SPEF2: variants seen among roughly 807,000 people sequenced by gnomAD.
SPEF2 encodes the protein sperm flagella and cilia-associated protein 2.
A neutral mutation model predicts 224.6 loss-of-function variants in SPEF2; 187 were observed. The ratio of observed to expected loss-of-function variants is 0.83; its 90% CI spans 0.74 to 0.94. SPEF2 has a LOEUF of 0.94. Ranked by LOEUF, SPEF2 falls within the 40% of genes least tolerant of loss-of-function variation. SPEF2 has a pLI of 0.00. For synonymous variants in SPEF2, 715 were observed against 707.3 expected, an observed-to-expected ratio of 1.01 and a Z score of -0.17; for missense variants, 2,170 against 2,135.6, an observed-to-expected ratio of 1.02 and a Z score of -0.32.
At chr5:35,788,495 G>T in intron 30 of SPEF2, 2 of 702,560 alleles carry the variant, frequency 2.8e-6, no homozygotes, top group South Asian at 3.0e-5. Flanking sequence ...CAAAGAAGCC[G>T]AACTTGTCTA....
intron 26 of SPEF2, among the ~76,000 whole-genome samples, chr5:35,764,049 C>T (rs964185662): frequency 1.3e-5 from 2 of 152,114 alleles, no homozygotes; most frequent in African/African-American, 2.4e-5. Context: ...TGCAGGGGCA[C>T]ATGCAATTGC....
chr5:35,696,302 A>AT lies in SPEF2; in HGVS notation c.2037+513dup, dbSNP rs1420228053. ...AATTTTATCTTTTGTATTATATTTG[A>AT]TTTTTTTATTATGCATCTCATCATG... On this transcript the variant is annotated intron_variant, in intron 14 of 36. Coordinates refer to ENST00000356031, the MANE Select transcript of SPEF2 (RefSeq NM_024867.4). 4.6e-5 allele frequency among the ~76,000 whole-genome samples: 7 copies of AT among 152,214 alleles called. No individual in the cohort carries two copies. In the East Asian group the frequency reaches 5.8e-4, roughly 13 times the overall value.
intron 2 of SPEF2, among the ~76,000 whole-genome samples, chr5:35,636,432 C>T (rs1745842039): frequency 6.6e-6 from 1 of 152,174 alleles, no homozygotes; most frequent in South Asian, 2.1e-4. Flanking sequence ...CATTCCTACA[C>T]ATGCATATGG....
chr5:35,748,130 G>A (rs925552798), intron 23 of SPEF2, among the ~76,000 whole-genome samples: 3 of 151,928 alleles, frequency 2.0e-5, no homozygotes, highest in African/African-American at 4.8e-5. Context: ...AAAATTATTC[G>A]AACTGAATGA....
In SPEF2 at chr5:35,628,512, T is replaced by A. The variant is rs750896416; in HGVS notation, c.111T>A (p.Val37=). The A allele has an allele frequency of 3.1e-6, 5 of 1,613,994 alleles. No homozygotes were observed. Among genetic ancestry groups the A allele is most frequent in the Non-Finnish European group, 4.2e-6 (5 of 1,180,006 alleles). Reference sequence around the variant, plus strand: ...CCAGTGGCTATCTACTTGGAGAAGTTCTACACAAGTTTGAACTTCAGGATG... The same window carrying A: ...CCAGTGGCTATCTACTTGGAGAAGTACTACACAAGTTTGAACTTCAGGATG... ...AFSSGYLLGE[V]LHKFELQDDF... Residue 37 remains valine (V), a synonymous_variant, in exon 2 of 37, where the codon GTT becomes GTA. Coordinates refer to ENST00000356031, the MANE Select transcript of SPEF2 (RefSeq NM_024867.4).
Position 35,647,022 on chromosome 5 carries a change from CAATGGCAAACTCCTATTA to C in SPEF2, c.726+223_726+240del, listed in dbSNP as rs1747469400. Among the ~76,000 whole-genome samples the C allele has an allele frequency of 2.0e-5, 3 of 152,270 alleles. 1 individual carries two copies. In the South Asian group the frequency reaches 6.2e-4, roughly 32 times the overall value. On this transcript the variant is annotated intron_variant, in intron 5 of 36. Transcript: ENST00000356031. ...AACGAAGAATGTAGCTTTAGGCCAG[CAATGGCAAACTCCTATTA>C]AATGGCAGTCTGGACTCCTGTGTTG...
Position 35,799,949 on chromosome 5 carries a change from G to T in SPEF2, c.4831-19G>T. The T allele has an allele frequency of 1.9e-6, 3 of 1,613,034 alleles. No individual in the cohort carries two copies. The highest frequency in any genetic ancestry group is 2.5e-6 in the Non-Finnish European group (3 of 1,179,376). Reference sequence around the variant, plus strand: ...TGAGAGTGCACCCATTTTATCTTTGGAATTCTTTTTGTGTGCAGTTTTTCT... The same window carrying T: ...TGAGAGTGCACCCATTTTATCTTTGTAATTCTTTTTGTGTGCAGTTTTTCT... On this transcript the variant is annotated intron_variant, in intron 33 of 36. Transcript: ENST00000356031.
intron 23 of SPEF2, among the ~76,000 whole-genome samples, chr5:35,745,882 T>C (rs1417283205): frequency 6.6e-6 from 1 of 152,118 alleles, no homozygotes; most frequent in African/African-American, 2.4e-5. Context: ...AAATAGACCA[T>C]TAAACCATCA....
chr5:35,814,089 G>T (rs1561401688), intron 36 of SPEF2, among the ~76,000 whole-genome samples: 1 of 152,100 alleles, frequency 6.6e-6, no homozygotes, highest in Non-Finnish European at 1.5e-5. Context: ...TTTAGCATTA[G>T]CATTTACTTT....
chr5:35,719,311 C>T (rs112187227), intron 20 of SPEF2, among the ~76,000 whole-genome samples: 2,672 of 152,250 alleles, frequency 0.018, 39 homozygotes, highest in East Asian at 0.065. Flanking sequence ...AGTTTTGAAA[C>T]ATGATTTCTC....
At chr5:35,707,564 C>T (rs546945224) in intron 18 of SPEF2, among the ~76,000 whole-genome samples, 54 of 152,230 alleles carry the variant, frequency 3.5e-4, no homozygotes, top group African/African-American at 1.3e-3. Context: ...AGAACATAGG[C>T]AATCGTCGCC....
chr5:35,751,071 A>ACG lies in SPEF2; in HGVS notation c.3331-2553_3331-2552insCG, dbSNP rs1749506489. Reference sequence around the variant, plus strand: ...TATATATATACGTATATATATGTATATATATATACACACACACACACACAC... The same window carrying ACG: ...TATATATATACGTATATATATGTATACGTATATATACACACACACACACACAC... On this transcript the variant is annotated intron_variant, in intron 23 of 36. Coordinates refer to ENST00000356031, the MANE Select transcript of SPEF2 (RefSeq NM_024867.4). Among the ~76,000 whole-genome samples, 17 of 55,590 alleles carry ACG rather than the reference A, an allele frequency of 3.1e-4. 3 individuals are homozygous for ACG. Among genetic ancestry groups the ACG allele is most frequent in the African/African-American group, 7.1e-4 (12 of 16,986 alleles). 36.5% of individuals were successfully genotyped at this position (55,590 alleles called of 152,430 possible). A position where few individuals can be genotyped will look rare whatever the true frequency, so the allele number is the denominator to read the frequency against.
At chr5:35,813,550 G>T (rs1758665742) in intron 36 of SPEF2, among the ~76,000 whole-genome samples, 1 of 152,094 alleles carries the variant, frequency 6.6e-6, no homozygotes, top group Admixed American at 6.6e-5. Context: ...AAAGTCAATG[G>T]GGAGCAGCTT....
intron 27 of SPEF2, among the ~76,000 whole-genome samples, chr5:35,773,065 T>C (rs978849632): frequency 6.6e-6 from 1 of 152,168 alleles, no homozygotes; most frequent in Admixed American, 6.5e-5. Context: ...GATGTACTTA[T>C]AGTTAAGTTC....
intron 29 of SPEF2, 36 bp downstream of exon 29, chr5:35,776,431 G>T: frequency 1.3e-6 from 2 of 1,570,618 alleles, no homozygotes; most frequent in East Asian, 4.6e-5. Flanking sequence ...AATATGCTTT[G>T]TGTATTCTAA....
chr5:35,702,886 G>T (rs188411694), intron 16 of SPEF2, among the ~76,000 whole-genome samples: 265 of 152,152 alleles, frequency 1.7e-3, no homozygotes, highest in African/African-American at 5.3e-3. Context: ...GTACTACAGA[G>T]AAGCCAAAAT....
At position 35,691,256 on chromosome 5, in the gene SPEF2, G is replaced by C; in HGVS notation, c.1744G>C (p.Asp582His). 1.2e-6 allele frequency: 2 copies of C among 1,612,624 alleles called. No individual in the cohort carries two copies. The highest frequency in any genetic ancestry group is 2.7e-5 in the African/African-American group (2 of 74,960). ...KTTILRSLQK[D>H]FPIQILSIDT... ...TACCATTTTAAGGTCTCTACAAAAA[G>C]GTAGAATTTCTTCTCCTACTCTCCC... The change falls in exon 11 of 37, where the codon GAC (aspartate) becomes CAC (histidine). Residue 582 changes from aspartate to histidine, a missense_variant and splice_region_variant. Transcript: ENST00000356031.
chr5:35,759,590 A>ATACAAAGAGACT lies in SPEF2; in HGVS notation c.3492_3503dup (p.Thr1165_Leu1168dup). 6.2e-7 allele frequency: 1 copy of ATACAAAGAGACT among 1,605,648 alleles called. No individual in the cohort carries two copies. The highest frequency in any genetic ancestry group is 8.5e-7 in the Non-Finnish European group (1 of 1,174,540). ...AAGGCAGAGCTGAACCGTTTCCAAG[A>ATACAAAGAGACT]TACAAAGAGACTCCTTCAAGATTAT... On this transcript the variant is annotated inframe_insertion, in exon 25 of 37. Transcript: ENST00000356031.
intron 10 of SPEF2, among the ~76,000 whole-genome samples, chr5:35,681,999 T>C (rs1454198931): frequency 6.6e-6 from 1 of 152,232 alleles, no homozygotes; most frequent in Admixed American, 6.5e-5. Flanking sequence ...AAATTGAGGA[T>C]TGTTAATGGC....
Sources: allele counts gnomAD v4.1 joint callset (sites outside exome capture counted in the v4.1 genomes callset), GRCh38; gene constraint gnomAD v4.1.1; transcripts MANE v1.5; gene names NCBI Gene and HGNC (gene_info 2026-07-23, HGNC 2026-07-21).